FAM153A: variants seen among roughly 807,000 people sequenced by gnomAD.
FAM153A encodes protein FAM153A.
FAM153A carries 12 observed loss-of-function variants against 48.1 expected under a neutral mutation model. The ratio of observed to expected loss-of-function variants is 0.25; its 90% CI spans 0.16 to 0.40. The LOEUF (loss-of-function observed/expected upper bound fraction) is 0.40, where lower values mean the gene tolerates loss of function less well. Among genes scored for constraint, FAM153A ranks in the 10% least tolerant of loss-of-function variants. The probability of loss-of-function intolerance (pLI) is 1.00; values close to 1 mark genes in which losing one functional copy is unlikely to be tolerated. For synonymous variants in FAM153A, 36 were observed against 118.2 expected, an observed-to-expected ratio of 0.30 and a Z score of 4.51; for missense variants, 111 against 345.8, an observed-to-expected ratio of 0.32 and a Z score of 5.38.
chr5:177,708,922 G>A (rs1395855273), downstream of FAM153A, among the ~76,000 whole-genome samples: 3 of 150,768 alleles, frequency 2.0e-5, no homozygotes, highest in South Asian at 2.1e-4. Flanking sequence ...GTAAAACCCC[G>A]TCTCTACTAA....
At chr5:177,708,704 C>T (rs1192958063), downstream of FAM153A, among the ~76,000 whole-genome samples, 4 of 151,828 alleles carry the variant, frequency 2.6e-5, no homozygotes, top group Non-Finnish European at 4.4e-5. Context: ...TTTTTAGTGT[C>T]TTGAATGGTT....
chr5:177,752,994 C>A (rs1582473227), intron 1 of FAM153A, among the ~76,000 whole-genome samples: 2 of 140,870 alleles, frequency 1.4e-5, no homozygotes, highest in African/African-American at 2.7e-5. Context: ...GTATTTGAGG[C>A]AAAAATCTTG....
chr5:177,734,715 GT>G (rs1764410792), intron 13 of FAM153A, 147 bp downstream of exon 15: 1 of 1,249,774 alleles, frequency 8.0e-7, no homozygotes, highest in East Asian at 2.5e-5. Flanking sequence ...TCAAGCCTCA[GT>G]GGGGACAGAC....
At chr5:177,748,135 G>A (rs1404346281) in intron 3 of FAM153A, among the ~76,000 whole-genome samples, 1 of 119,412 alleles carries the variant, frequency 8.4e-6, no homozygotes, top group Non-Finnish European at 1.8e-5. Flanking sequence ...TCCGCCTCCT[G>A]GCCTCAAGCG....
intron 1 of FAM153A, among the ~76,000 whole-genome samples, chr5:177,779,090 A>T (rs1467639610): frequency 5.9e-5 from 9 of 151,624 alleles, no homozygotes; most frequent in Non-Finnish European, 1.3e-4. Context: ...ACTACTGATC[A>T]TAGAGTTCCT....
chr5:177,717,193 C>T (rs1249885543), exon 24 of FAM153A: 2 of 138,694 alleles, frequency 1.4e-5, no homozygotes, highest in Non-Finnish European at 3.1e-5. Flanking sequence ...ACACAGCCTT[C>T]CTCAGCCTCT....
At position 177,737,085 on chromosome 5, in the gene FAM153A, C is replaced by A. The variant is rs148669219; in HGVS notation, c.590G>T (p.Gly197Val). ...TTCCTCAGAGACTGTCTGCCCTGGC[C>A]CATGCTCCTCCAGGTCTTCCAGGTC... Residue 197 changes from glycine to valine, a missense_variant, in exon 11 of 21, where the codon GGG becomes GTG. By Grantham distance (109) the Gly-to-Val change is moderately radical (BLOSUM62 -3). Transcript: ENST00000614127. The A allele has an allele frequency of 1.9e-3, 3,035 of 1,557,618 alleles. 124 individuals carry two copies. The African/African-American group carries it at 0.04, about 21-fold the overall frequency.
At chr5:177,697,132 G>GTGTATAAAAGTTTTAT in the FAM153A span, among the ~76,000 whole-genome samples, 1 of 151,276 alleles carries the variant, frequency 6.6e-6, no homozygotes, top group Non-Finnish European at 1.5e-5. Context: ...ACCAGTTTTA[G>GTGTATAAAAGTTTTAT]TGTATAAAAG....
At chr5:177,711,566 G>A (rs749109234) in exon 27 of FAM153A, 2 of 151,894 alleles carry the variant, frequency 1.3e-5, no homozygotes, top group Non-Finnish European at 2.9e-5. Flanking sequence ...ATTCCTCAAG[G>A]AGGAATATGG....
At chr5:177,704,590 C>T (rs1372725885), downstream of FAM153A, among the ~76,000 whole-genome samples, 2 of 147,486 alleles carry the variant, frequency 1.4e-5, no homozygotes, top group African/African-American at 2.5e-5. Flanking sequence ...TGTTTGAGGT[C>T]GGGCATGGTG....
intron 26 of FAM153A, chr5:177,713,180 A>G (rs1459732825): frequency 6.6e-6 from 1 of 151,974 alleles, no homozygotes; most frequent in Non-Finnish European, 1.5e-5. Context: ...CCTAACAAAG[A>G]AAATAATCTC....
upstream of FAM153A, among the ~76,000 whole-genome samples, chr5:177,754,497 C>T (rs1163553283): frequency 6.6e-6 from 1 of 151,790 alleles, no homozygotes; most frequent in African/African-American, 2.4e-5. Flanking sequence ...AGTGGTTCTC[C>T]CGGCACACAG....
downstream of FAM153A, among the ~76,000 whole-genome samples, chr5:177,708,381 G>C (rs899246746): frequency 2.6e-5 from 4 of 151,422 alleles, 1 homozygote; most frequent in African/African-American, 9.8e-5. Context: ...TTTGAGACCA[G>C]CCTGAGCAAC....
chr5:177,696,248 T>C, the FAM153A span, among the ~76,000 whole-genome samples: 7 of 122,946 alleles, frequency 5.7e-5, no homozygotes, highest in South Asian at 5.6e-4. Context: ...GAGGCGCTCC[T>C]CACTTCCCAG....
downstream of FAM153A, among the ~76,000 whole-genome samples, chr5:177,706,348 C>A (rs1757889016): frequency 6.6e-6 from 1 of 151,594 alleles, no homozygotes; most frequent in African/African-American, 2.4e-5. Context: ...AGGCACCTGC[C>A]ACCAAGCCTG....
At chr5:177,719,101 C>A (rs1760538255), downstream of FAM153A, among the ~76,000 whole-genome samples, 1 of 150,938 alleles carries the variant, frequency 6.6e-6, no homozygotes, top group African/African-American at 2.5e-5. Flanking sequence ...CCAGGCTGGT[C>A]TTAAACTCCT....
At chr5:177,701,409 C>T in the FAM153A span, among the ~76,000 whole-genome samples, 1 of 151,518 alleles carries the variant, frequency 6.6e-6, no homozygotes, top group Non-Finnish European at 1.5e-5. Context: ...ACTAACAATA[C>T]AAAAAATCAA....
intron 1 of FAM153A, among the ~76,000 whole-genome samples, chr5:177,760,386 G>A (rs1176548696): frequency 5.3e-5 from 4 of 74,842 alleles, no homozygotes; most frequent in Non-Finnish European, 1.0e-4. Flanking sequence ...ACAGGCGCCC[G>A]CCACTGTGCC....
Position 177,729,569 on chromosome 5 carries a change from T to G in FAM153A, c.863-14A>C. The G allele has an allele frequency of 6.2e-7, 1 of 1,607,692 alleles. No individual in the cohort carries two copies. The highest frequency in any genetic ancestry group is 8.5e-7 in the Non-Finnish European group (1 of 1,179,224). On this transcript the variant is annotated splice_polypyrimidine_tract_variant and intron_variant, in intron 16 of 20. Coordinates refer to ENST00000614127, the Ensembl canonical transcript of FAM153A. ...CTTCCAGGTCACCTAGGAAACAGAGTCGCTATAAGCACATGAGCTCCACTG... is the reference window on the plus strand; with the variant it reads ...CTTCCAGGTCACCTAGGAAACAGAGGCGCTATAAGCACATGAGCTCCACTG...
Sources: allele counts gnomAD v4.1 joint callset (sites outside exome capture counted in the v4.1 genomes callset), GRCh38; gene constraint gnomAD v4.1.1; transcripts MANE v1.5; gene names NCBI Gene and HGNC (gene_info 2026-07-23, HGNC 2026-07-21).